The following SNX24 variants were observed in gnomAD, a reference collection of about 807,000 sequenced individuals.
SNX24 encodes sorting nexin-24.
A neutral mutation model predicts 28.7 loss-of-function variants in SNX24; 22 were observed. The ratio of observed to expected loss-of-function variants is 0.77; its 90% CI spans 0.55 to 1.10. The LOEUF is 1.10. Ranked by LOEUF, SNX24 falls within the 50% of genes least tolerant of loss-of-function variation. The probability of loss-of-function intolerance (pLI) is 0.00; values close to 1 mark genes in which losing one functional copy is unlikely to be tolerated. For missense variants in SNX24, 221 were observed against 201.1 expected (o/e 1.10, Z -0.60); for synonymous variants, 69 against 71.5 (o/e 0.96, Z 0.18).
chr5:122,936,505 C>T (rs1759183444), intron 1 of SNX24, among the ~76,000 whole-genome samples: 1 of 151,710 alleles, frequency 6.6e-6, no homozygotes, highest in South Asian at 2.1e-4. Context: ...ATTTAAGTTT[C>T]CCTTGTTTTT....
At chr5:122,983,256 C>G (rs905882374) in intron 3 of SNX24, among the ~76,000 whole-genome samples, 1 of 149,856 alleles carries the variant, frequency 6.7e-6, no homozygotes, top group South Asian at 2.1e-4. Context: ...TCCTTCTATT[C>G]CTTCCTTTTT....
At chr5:123,022,879 CTACAGCCTTG>C (rs1274416911) in intron 5 of SNX24, 1 of 152,518 alleles carries the variant, frequency 6.6e-6, no homozygotes, top group African/African-American at 2.4e-5. Context: ...TCACAGCTCA[CTACAGCCTTG>C]ATCTCCTGGA....
chr5:122,867,875 A>G (rs188989827), intron 1 of SNX24, among the ~76,000 whole-genome samples: 91 of 152,336 alleles, frequency 6.0e-4, no homozygotes, highest in African/African-American at 2.0e-3. Context: ...GTCCCTGACC[A>G]TCCATTCAGA....
intron 1 of SNX24, among the ~76,000 whole-genome samples, chr5:122,879,550 T>G (rs1349997203): frequency 6.6e-6 from 1 of 152,180 alleles, no homozygotes; most frequent in East Asian, 1.9e-4. Flanking sequence ...ATCAAACTCT[T>G]CAGACTCAGT....
At chr5:122,997,687 C>G (rs1474200784) in intron 3 of SNX24, among the ~76,000 whole-genome samples, 1 of 152,156 alleles carries the variant, frequency 6.6e-6, no homozygotes, top group Non-Finnish European at 1.5e-5. Context: ...GATGACACGT[C>G]TAAAGATCCT....
chr5:123,001,393 C>T lies in SNX24; in HGVS notation c.345-12C>T. 1 of 1,593,916 alleles carries T rather than the reference C, an allele frequency of 6.3e-7. No individual in the cohort carries two copies. Among genetic ancestry groups the T allele is most frequent in the Middle Eastern group, 1.7e-4 (1 of 6,004 alleles). On this transcript the variant is annotated splice_polypyrimidine_tract_variant and intron_variant, in intron 4 of 6. Coordinates refer to ENST00000261369, the MANE Select transcript of SNX24 (RefSeq NM_014035.4). Reference sequence around the variant, plus strand: ...TGGTTTTTTTGTTTTTTTCCTTTTTCAAAACTTTTAGATCTTTTGATGAAA... The same window carrying T: ...TGGTTTTTTTGTTTTTTTCCTTTTTTAAAACTTTTAGATCTTTTGATGAAA...
intron 1 of SNX24, among the ~76,000 whole-genome samples, chr5:122,919,187 A>G (rs1472301727): frequency 6.6e-6 from 1 of 152,244 alleles, no homozygotes; most frequent in Admixed American, 6.5e-5. Flanking sequence ...GTTGAAACAG[A>G]TCAGGAAAAC....
chr5:122,938,116 C>T (rs1006916628), intron 2 of SNX24, among the ~76,000 whole-genome samples: 5 of 152,066 alleles, frequency 3.3e-5, no homozygotes, highest in African/African-American at 7.2e-5. Context: ...CTGTACTCTC[C>T]GGATACTCAG....
intron 1 of SNX24, among the ~76,000 whole-genome samples, chr5:122,852,185 T>C (rs1230550420): frequency 6.6e-6 from 1 of 151,792 alleles, no homozygotes; most frequent in Non-Finnish European, 1.5e-5. Flanking sequence ...TTTATTTTAC[T>C]TCAAGTTCCG....
chr5:123,014,286 C>T (rs1481079963), intron 5 of SNX24, among the ~76,000 whole-genome samples: 3 of 149,308 alleles, frequency 2.0e-5, no homozygotes, highest in Admixed American at 1.3e-4. Context: ...CCCACCTCAG[C>T]GTACCAAGTA....
Position 123,001,391 on chromosome 5 carries a change from T to C in SNX24, c.345-14T>C. The C allele has an allele frequency of 6.3e-7, 1 of 1,593,112 alleles. No homozygotes were observed. Among genetic ancestry groups the C allele is most frequent in the Non-Finnish European group, 8.6e-7 (1 of 1,163,370 alleles). ...TGTGGTTTTTTTGTTTTTTTCCTTT[T>C]TCAAAACTTTTAGATCTTTTGATGA... On this transcript the variant is annotated splice_polypyrimidine_tract_variant and intron_variant, in intron 4 of 6. Coordinates refer to ENST00000261369, the MANE Select transcript of SNX24 (RefSeq NM_014035.4).
intron 1 of SNX24, among the ~76,000 whole-genome samples, chr5:122,877,643 C>A (rs1756292026): frequency 6.6e-6 from 1 of 152,208 alleles, no homozygotes; most frequent in Non-Finnish European, 1.5e-5. Context: ...TTCAGGAGGA[C>A]CGGGGTGCCC....
rs754381492 is a variant in SNX24, at chr5:123,002,015, C to T, written c.442+11C>T. On this transcript the variant is annotated intron_variant, in intron 6 of 6. Coordinates refer to ENST00000261369, the MANE Select transcript of SNX24 (RefSeq NM_014035.4). ...TGCCTGCAGCCAGCGGTAATCAAAC[C>T]TGTCATCTGCTAACAGCTCTTTACT... The T allele has an allele frequency of 6.2e-7, 1 of 1,606,006 alleles. No homozygotes were observed. Among genetic ancestry groups the T allele is most frequent in the Non-Finnish European group, 8.5e-7 (1 of 1,172,722 alleles).
At chr5:122,884,314 C>T (rs1756610148) in intron 1 of SNX24, among the ~76,000 whole-genome samples, 1 of 127,500 alleles carries the variant, frequency 7.8e-6, no homozygotes, top group Admixed American at 9.7e-5. Context: ...TGCAGTGGTG[C>T]AATCTTGGCT....
chr5:122,850,961 G>T (rs1754892327), intron 1 of SNX24, among the ~76,000 whole-genome samples: 1 of 152,130 alleles, frequency 6.6e-6, no homozygotes, highest in Non-Finnish European at 1.5e-5. Flanking sequence ...TTACAAGAAA[G>T]AAAGTGCCAG....
At chr5:122,921,610 G>A (rs2150102890) in intron 1 of SNX24, among the ~76,000 whole-genome samples, 1 of 128,448 alleles carries the variant, frequency 7.8e-6, no homozygotes, top group East Asian at 2.6e-4. Flanking sequence ...TCTAATACAT[G>A]AAACCTAGAT....
intron 1 of SNX24, among the ~76,000 whole-genome samples, chr5:122,862,324 AAAAG>A (rs745447195): frequency 2.6e-5 from 4 of 152,292 alleles, no homozygotes; most frequent in East Asian, 1.9e-4. Flanking sequence ...CAAAAGAAAA[AAAAG>A]AAAGAGGCTG....
chr5:122,988,587 A>G (rs1281433700), intron 3 of SNX24, among the ~76,000 whole-genome samples: 1 of 152,194 alleles, frequency 6.6e-6, no homozygotes, highest in Non-Finnish European at 1.5e-5. Flanking sequence ...CCAATGCTAA[A>G]TTATTCCCTG....
intron 3 of SNX24, among the ~76,000 whole-genome samples, chr5:122,949,254 G>T (rs1269666566): frequency 6.6e-6 from 1 of 152,080 alleles, no homozygotes; most frequent in Non-Finnish European, 1.5e-5. Context: ...AAAGCCTACA[G>T]TTAGCATTTA....
Sources: gnomAD v4.1 joint callset for allele counts (sites outside exome capture counted in the v4.1 genomes callset) on GRCh38, gnomAD v4.1.1 for gene constraint, MANE v1.5 for transcripts, NCBI Gene and HGNC (gene_info 2026-07-23, HGNC 2026-07-21) for gene names.